The following TNFRSF10B variants were observed in gnomAD, a reference collection of about 807,000 sequenced individuals.
The protein encoded by TNFRSF10B is TNF receptor superfamily member 10b.
TNFRSF10B carries 35 observed loss-of-function variants against 41.4 expected under a neutral mutation model. The ratio of observed to expected loss-of-function variants is 0.85; its 90% CI spans 0.65 to 1.12. TNFRSF10B has a LOEUF of 1.12. Among genes scored for constraint, TNFRSF10B ranks in the 50% most tolerant of loss-of-function variants. The pLI is 0.00. For synonymous variants in TNFRSF10B, 230 were observed against 215.5 expected (o/e 1.07, Z -0.59); for missense variants, 584 against 552.7 (o/e 1.06, Z -0.57).
intron 1 of TNFRSF10B, among the ~76,000 whole-genome samples, chr8:23,050,823 C>T (rs12115072): frequency 0.24 from 36,506 of 151,858 alleles, 4,557 homozygotes; most frequent in Non-Finnish European, 0.25. Flanking sequence ...CCTGTAATCC[C>T]AGCACTTTGG....
chr8:23,054,608 A>C (rs1216199906), intron 1 of TNFRSF10B, among the ~76,000 whole-genome samples: 1 of 152,178 alleles, frequency 6.6e-6, no homozygotes, highest in Admixed American at 6.6e-5. Context: ...TTGACTTAGG[A>C]AGCCAAGAAA....
chr8:23,030,500 C>CG (rs1563308856), intron 3 of TNFRSF10B, among the ~76,000 whole-genome samples: 1 of 151,938 alleles, frequency 6.6e-6, no homozygotes, highest in African/African-American at 2.4e-5. Context: ...TTTGTAGAGA[C>CG]GGGGTTTCTC....
Position 23,043,140 on chromosome 8 carries a change from G to T in TNFRSF10B, c.248C>A (p.Pro83His), listed in dbSNP as rs1374556099. The part of the protein sequence containing the change: ...RSSPSEGLCP[P>H]GHHISEDGRD... ...TTAGAGACCCATCTTGAACATACCA[G>T]GTGGACACAATCCCTCTGAGGGGCT... Residue 83 changes from proline (P) to histidine (H), a missense_variant and splice_region_variant, in exon 2 of 9, where the codon CCT becomes CAT. Physicochemically the swap from Pro to His is moderately conservative, Grantham distance 77 (BLOSUM62 -2). Transcript: ENST00000276431. The T allele has an allele frequency of 6.2e-7, 1 of 1,613,958 alleles. No homozygotes were observed. The highest frequency in any genetic ancestry group is 1.3e-5 in the African/African-American group (1 of 74,934).
rs564606277 is a variant in TNFRSF10B at position 23,028,414 on chromosome 8, G to A, written c.665C>T (p.Ala222Val). The A allele has an allele frequency of 1.2e-6, 2 of 1,614,180 alleles. No homozygotes were observed. Among genetic ancestry groups the A allele is most frequent in the Admixed American group, 3.3e-5 (2 of 60,024 alleles). The change falls in exon 5 of 9, where the codon GCC becomes GTC. Residue 222 changes from alanine to valine, a missense_variant. Transcript: ENST00000276431. ...AAACACAGCCACAATCAAGACTACG[G>A]CTGCAACTGTGACTCCTATGATGAT... ...SGIIIGVTVA[A>V]VVLIVAVFVC...
intron 1 of TNFRSF10B, among the ~76,000 whole-genome samples, chr8:23,061,782 C>T (rs1186241686): frequency 6.6e-6 from 1 of 152,198 alleles, no homozygotes; most frequent in Non-Finnish European, 1.5e-5. Context: ...CCTGTATCAA[C>T]TCAGATGATC....
At chr8:23,058,857 G>T (rs1812745543) in intron 1 of TNFRSF10B, among the ~76,000 whole-genome samples, 1 of 152,130 alleles carries the variant, frequency 6.6e-6, no homozygotes, top group Non-Finnish European at 1.5e-5. Flanking sequence ...AATAAATGCT[G>T]TTTTTTTAAA....
intron 2 of TNFRSF10B, among the ~76,000 whole-genome samples, chr8:23,033,394 C>G (rs1259959446): frequency 1.3e-5 from 2 of 151,778 alleles, no homozygotes; most frequent in Non-Finnish European, 2.9e-5. Context: ...ACCATCCTGG[C>G]TAACACGGTG....
At chr8:23,054,836 G>A (rs1288091601) in intron 1 of TNFRSF10B, among the ~76,000 whole-genome samples, 1 of 152,100 alleles carries the variant, frequency 6.6e-6, no homozygotes, top group Non-Finnish European at 1.5e-5. Flanking sequence ...TCCTGCTATG[G>A]AACAAAGTTC....
Position 23,032,214 on chromosome 8 carries a change from C to A in TNFRSF10B, c.251-1342G>T, listed in dbSNP as rs530559389. On this transcript the variant is annotated intron_variant, in intron 2 of 8. Coordinates refer to ENST00000276431, the MANE Select transcript of TNFRSF10B (RefSeq NM_003842.5). ...CTAGGGACTACTATATTAGACAGTG[C>A]CATCTTAGACCTTTAAAATGCACAG... Among the ~76,000 whole-genome samples, 3 of 152,262 alleles carry A rather than the reference C, an allele frequency of 2.0e-5. No homozygotes were observed. The East Asian group carries it at 5.8e-4, about 29-fold the overall frequency.
At position 23,021,444 on chromosome 8, in the gene TNFRSF10B, C is replaced by T. The variant is rs1405164553; in HGVS notation, c.*1227G>A. 6 of 454,056 alleles carry T rather than the reference C, an allele frequency of 1.3e-5. No homozygotes were observed. Among genetic ancestry groups the T allele is most frequent in the African/African-American group, 1.2e-4 (6 of 50,024 alleles). 28.1% of individuals were successfully genotyped at this position (454,056 alleles called of 1,614,324 possible). A position where few individuals can be genotyped will look rare whatever the true frequency, so the allele number is the denominator to read the frequency against. On this transcript the variant is annotated 3_prime_UTR_variant, in exon 9 of 9. Coordinates refer to ENST00000276431, the MANE Select transcript of TNFRSF10B (RefSeq NM_003842.5). Reference sequence around the variant, plus strand: ...ACACCATTCTCAAGCACCATCTACTCTTCCCCCTTGATGCCATGGCAGACG... The same window carrying T: ...ACACCATTCTCAAGCACCATCTACTTTTCCCCCTTGATGCCATGGCAGACG...
At chr8:23,024,945 C>T (rs1316581294) in intron 7 of TNFRSF10B, among the ~76,000 whole-genome samples, 1 of 152,046 alleles carries the variant, frequency 6.6e-6, no homozygotes, top group East Asian at 1.9e-4. Flanking sequence ...AGTTTGAGAC[C>T]AGCCTAGGCG....
chr8:23,054,579 CT>C lies in TNFRSF10B; in HGVS notation c.145-11337del, dbSNP rs777537986. Reference sequence around the variant, plus strand: ...ATTTTACCAAGGCTTTGACTTTGCTCTCCTTTAAGGAATCAAACTTGACTTA... The same window carrying C: ...ATTTTACCAAGGCTTTGACTTTGCTCCCTTTAAGGAATCAAACTTGACTTA... On this transcript the variant is annotated intron_variant, in intron 1 of 8. Transcript: ENST00000276431. Among the ~76,000 whole-genome samples the C allele has an allele frequency of 5.9e-5, 9 of 152,302 alleles. No homozygotes were observed. In the South Asian group the frequency reaches 1.9e-3, roughly 32 times the overall value.
At chr8:23,031,614 C>A (rs1811887738) in intron 2 of TNFRSF10B, among the ~76,000 whole-genome samples, 1 of 151,878 alleles carries the variant, frequency 6.6e-6, no homozygotes, top group Admixed American at 6.6e-5. Flanking sequence ...AGGCTGGTCT[C>A]AAACTCCTGG....
chr8:23,023,059 G>A, intron 8 of TNFRSF10B, 75 bp from the exon 9 acceptor site: 1 of 1,562,410 alleles, frequency 6.4e-7, no homozygotes, highest in Non-Finnish European at 8.6e-7. Context: ...ATCAGGCCCA[G>A]AACCCAAGGC....
chr8:23,044,393 G>A (rs1205157166), intron 1 of TNFRSF10B, among the ~76,000 whole-genome samples: 4 of 152,144 alleles, frequency 2.6e-5, no homozygotes, highest in Non-Finnish European at 5.9e-5. Context: ...CCCACAGGAA[G>A]AGGAAAACAT....
chr8:23,048,508 C>T lies in TNFRSF10B; in HGVS notation c.145-5265G>A, dbSNP rs573089627. On this transcript the variant is annotated intron_variant, in intron 1 of 8. Transcript: ENST00000276431. ...AATGGTGGTTACTAGAGTCTGGGCA[C>T]GGGGGAATGGGGAGATGATAATCAA... Among the ~76,000 whole-genome samples the T allele has an allele frequency of 9.0e-4, 135 of 149,786 alleles. 1 individual carries two copies. Among genetic ancestry groups the T allele is most frequent in the South Asian group, 3.4e-3 (16 of 4,726 alleles).
chr8:23,025,261 C>G (rs1402519163), intron 7 of TNFRSF10B, among the ~76,000 whole-genome samples: 2 of 152,112 alleles, frequency 1.3e-5, no homozygotes, highest in Non-Finnish European at 2.9e-5. Context: ...AAAAATTTAT[C>G]TGAAATAAAC....
At chr8:23,041,327 G>A (rs756952598) in intron 2 of TNFRSF10B, among the ~76,000 whole-genome samples, 3 of 151,566 alleles carry the variant, frequency 2.0e-5, no homozygotes, top group Admixed American at 6.6e-5. Context: ...GAAGTGCTGG[G>A]ATTACAGGTG....
At chr8:23,030,553 C>T (rs1053638334) in intron 3 of TNFRSF10B, among the ~76,000 whole-genome samples, 8 of 152,000 alleles carry the variant, frequency 5.3e-5, no homozygotes, top group African/African-American at 1.9e-4. Context: ...TCAAGTGATG[C>T]CTCCCAAAGT....
Sources: gnomAD v4.1 joint callset for allele counts (sites outside exome capture counted in the v4.1 genomes callset) on GRCh38, gnomAD v4.1.1 for gene constraint, MANE v1.5 for transcripts, NCBI Gene and HGNC (gene_info 2026-07-23, HGNC 2026-07-21) for gene names.